FAM171B: variants seen among roughly 807,000 people sequenced by gnomAD.
FAM171B encodes family with sequence similarity 171 member B.
FAM171B carries 19 observed loss-of-function variants against 75.6 expected under a neutral mutation model. The observed-to-expected ratio is 0.25, with a 90% CI of 0.18 to 0.37. The LOEUF is 0.37. FAM171B is among the 10% of genes least tolerant of loss of function. FAM171B has a pLI of 1.00. For missense variants in FAM171B, 848 were observed against 982.4 expected (o/e 0.86, Z 1.83); for synonymous variants, 367 against 361.7 (o/e 1.01, Z -0.17).
At chr2:186,716,469 C>A (rs1689876099) in intron 1 of FAM171B, among the ~76,000 whole-genome samples, 1 of 152,048 alleles carries the variant, frequency 6.6e-6, no homozygotes, top group Non-Finnish European at 1.5e-5. Context: ...TATACATATC[C>A]TATTGCAGTT....
intron 2 of FAM171B, among the ~76,000 whole-genome samples, chr2:186,741,559 A>G (rs1244929691): frequency 6.6e-6 from 1 of 152,156 alleles, no homozygotes; most frequent in Non-Finnish European, 1.5e-5. Flanking sequence ...GGAAATACAA[A>G]TGGTTAGTAC....
At chr2:186,736,144 A>G (rs2105784175) in intron 1 of FAM171B, among the ~76,000 whole-genome samples, 1 of 152,304 alleles carries the variant, frequency 6.6e-6, no homozygotes, top group East Asian at 1.9e-4. Flanking sequence ...GTATGATTTG[A>G]TATAATCTTC....
At chr2:186,735,397 C>T (rs1308438794) in intron 1 of FAM171B, among the ~76,000 whole-genome samples, 6 of 152,118 alleles carry the variant, frequency 3.9e-5, no homozygotes, top group Non-Finnish European at 8.8e-5. Context: ...CTCAAATGGC[C>T]AATCCTTAGG....
chr2:186,751,083 AACT>A (rs1421155656), intron 4 of FAM171B, 48 bp from the exon 5 acceptor site: 2 of 1,389,286 alleles, frequency 1.4e-6, no homozygotes, highest in Non-Finnish European at 1.9e-6. Flanking sequence ...ATAATTAGGT[AACT>A]ACCACCTCTG....
chr2:186,717,109 C>A (rs1384905190), intron 1 of FAM171B, among the ~76,000 whole-genome samples: 1 of 152,084 alleles, frequency 6.6e-6, no homozygotes, highest in African/African-American at 2.4e-5. Context: ...GACTATACAG[C>A]CTCTCTGGGA....
At chr2:186,729,662 T>C (rs1318899447) in intron 1 of FAM171B, among the ~76,000 whole-genome samples, 2 of 152,258 alleles carry the variant, frequency 1.3e-5, no homozygotes, top group South Asian at 2.1e-4. Flanking sequence ...CTGAGGTTTT[T>C]TTTGTTTTGT....
At chr2:186,730,295 A>G (rs1041314946) in intron 1 of FAM171B, among the ~76,000 whole-genome samples, 3 of 152,214 alleles carry the variant, frequency 2.0e-5, no homozygotes, top group African/African-American at 7.2e-5. Flanking sequence ...CTTGCCTTAA[A>G]ATTGGGAAAT....
In FAM171B at chr2:186,751,314, C is replaced by A; in HGVS notation, c.895+10C>A. 6.5e-7 allele frequency: 1 copy of A among 1,537,082 alleles called. No homozygotes were observed. Among genetic ancestry groups the A allele is most frequent in the Non-Finnish European group, 8.8e-7 (1 of 1,133,844 alleles). On this transcript the variant is annotated intron_variant, in intron 5 of 7. Coordinates refer to ENST00000304698, the MANE Select transcript of FAM171B (RefSeq NM_177454.4). ...TTTGATATGAACACAGGTATGTGAG[C>A]TAGGTTAAAATAGTCTGAATATTTT...
At chr2:186,735,036 T>G (rs1324538450) in intron 1 of FAM171B, among the ~76,000 whole-genome samples, 1 of 152,196 alleles carries the variant, frequency 6.6e-6, no homozygotes, top group Admixed American at 6.5e-5. Flanking sequence ...GGTCTGCAGC[T>G]GCAGCTGACA....
At chr2:186,746,712 A>C (rs1327169656) in intron 3 of FAM171B, among the ~76,000 whole-genome samples, 1 of 152,226 alleles carries the variant, frequency 6.6e-6, no homozygotes, top group African/African-American at 2.4e-5. Context: ...ATCATTGAAC[A>C]AATCACTGTG....
intron 6 of FAM171B, among the ~76,000 whole-genome samples, chr2:186,757,337 T>C (rs559390272): frequency 1.3e-4 from 20 of 152,146 alleles, no homozygotes; most frequent in African/African-American, 4.8e-4. Flanking sequence ...ACTCCTAGAC[T>C]CCCTGTTGCT....
chr2:186,695,783 T>C, intron 1 of FAM171B, among the ~76,000 whole-genome samples: 1 of 152,186 alleles, frequency 6.6e-6, no homozygotes, highest in East Asian at 1.9e-4. Flanking sequence ...CTGAAAGTGA[T>C]AATATGGTTT....
intron 1 of FAM171B, among the ~76,000 whole-genome samples, chr2:186,721,268 A>T (rs1689948573): frequency 6.6e-6 from 1 of 152,116 alleles, no homozygotes; most frequent in African/African-American, 2.4e-5. Flanking sequence ...AATGTGGCAA[A>T]AGGTTAGTCT....
intron 1 of FAM171B, among the ~76,000 whole-genome samples, chr2:186,694,826 T>TA (rs1689556804): frequency 6.6e-6 from 1 of 151,952 alleles, no homozygotes; most frequent in Non-Finnish European, 1.5e-5. Context: ...TTTTGTTCTC[T>TA]ATCCTTTTCT....
Position 186,740,318 on chromosome 2 carries a change from C to T in FAM171B, c.329C>T (p.Thr110Met), listed in dbSNP as rs149594249. 4.1e-4 allele frequency: 658 copies of T among 1,613,986 alleles called. 4 individuals are homozygous for T. Among genetic ancestry groups the T allele is most frequent in the South Asian group, 2.8e-3 (259 of 91,066 alleles). ...GTTGTAGAAGTGTTTGTAAACTACA[C>T]GAAGACAAATTCCACAGTAACTAAA... is the stretch of plus-strand genomic sequence containing the variant. ...QAVVEVFVNY[T>M]KTNSTVTKSN... The change falls in exon 2 of 8, where the codon ACG becomes ATG. Residue 110 changes from threonine (T) to methionine (M), a missense_variant. Physicochemically the swap from Thr to Met is moderately conservative, Grantham distance 81. Coordinates refer to ENST00000304698, the MANE Select transcript of FAM171B (RefSeq NM_177454.4).
intron 1 of FAM171B, among the ~76,000 whole-genome samples, chr2:186,722,390 CG>C (rs1358651183): frequency 1.3e-5 from 2 of 151,904 alleles, no homozygotes; most frequent in African/African-American, 2.4e-5. Flanking sequence ...TGTTTCTTTT[CG>C]GCATTAAAGA....
At chr2:186,696,800 G>A (rs1277808192) in intron 1 of FAM171B, among the ~76,000 whole-genome samples, 1 of 152,046 alleles carries the variant, frequency 6.6e-6, no homozygotes, top group Non-Finnish European at 1.5e-5. Flanking sequence ...ATAGTAATCT[G>A]CACATCCTTT....
At chr2:186,703,074 T>TACACAC (rs1354045826) in intron 1 of FAM171B, among the ~76,000 whole-genome samples, 47 of 101,836 alleles carry the variant, frequency 4.6e-4, no homozygotes, top group African/African-American at 1.5e-3. Flanking sequence ...TATATATATA[T>TACACAC]ATACACACAC....
intron 6 of FAM171B, among the ~76,000 whole-genome samples, chr2:186,756,096 T>A (rs1690527762): frequency 6.9e-6 from 1 of 145,468 alleles, no homozygotes; most frequent in Admixed American, 6.9e-5. Context: ...AATAACTGAA[T>A]TATATAAGAT....
Sources: gnomAD v4.1 joint callset for allele counts (sites outside exome capture counted in the v4.1 genomes callset) on GRCh38, gnomAD v4.1.1 for gene constraint, MANE v1.5 for transcripts, NCBI Gene and HGNC (gene_info 2026-07-23, HGNC 2026-07-21) for gene names.